The following SLC52A3 variants were observed in gnomAD, a reference collection of about 807,000 sequenced individuals.
SLC52A3 encodes solute carrier family 52 member 3, also known as solute carrier family 52, riboflavin transporter, member 3.
In SLC52A3, 20 loss-of-function variants were observed where a neutral mutation model predicts 29.5. The observed-to-expected ratio is 0.68, with a 90% CI of 0.48 to 0.99. The LOEUF is 0.99. SLC52A3 is among the 50% of genes least tolerant of loss of function. The pLI, the probability that SLC52A3 is intolerant of heterozygous loss-of-function variation, is 0.00. For synonymous variants in SLC52A3, 301 were observed against 271.0 expected, an observed-to-expected ratio of 1.11 and a Z score of -1.09; for missense variants, 548 against 612.9, an observed-to-expected ratio of 0.89 and a Z score of 1.12.
chr20:775,172 C>G (rs1986974693), intron 1 of SLC52A3, among the ~76,000 whole-genome samples: 1 of 152,206 alleles, frequency 6.6e-6, no homozygotes, highest in African/African-American at 2.4e-5. Context: ...CATCCCAACT[C>G]CCAGCCTCCT....
chr20:770,304 G>A (rs1473106589), upstream of SLC52A3, among the ~76,000 whole-genome samples: 1 of 151,980 alleles, frequency 6.6e-6, no homozygotes, highest in Non-Finnish European at 1.5e-5. This position sits in a 1 kb window ranked among gnomAD's most constrained non-coding sequence, Gnocchi z 4.5. Context: ...TTACAGGCGT[G>A]CACCACAATG....
chr20:761,551 A>G, intron 4 of SLC52A3, 150 bp downstream of exon 4: 1 of 1,215,776 alleles, frequency 8.2e-7, no homozygotes, highest in Non-Finnish European at 1.2e-6. Context: ...TCCACTCCCA[A>G]ATGAGGAAGG....
upstream of SLC52A3, among the ~76,000 whole-genome samples, chr20:780,013 A>G (rs148908589): frequency 4.5e-3 from 686 of 152,302 alleles, 10 homozygotes; most frequent in African/African-American, 0.015. Context: ...TTTGCTTACC[A>G]CAGATCAGAA....
chr20:776,761 G>T (rs1353629654), upstream of SLC52A3, among the ~76,000 whole-genome samples: 5 of 151,960 alleles, frequency 3.3e-5, no homozygotes, highest in Admixed American at 3.3e-4. Flanking sequence ...GAAGAGTTGG[G>T]GGTGGCCAGG....
At chr20:773,090 G>A (rs1472234897), upstream of SLC52A3, among the ~76,000 whole-genome samples, 3 of 152,212 alleles carry the variant, frequency 2.0e-5, no homozygotes, top group African/African-American at 7.2e-5. Flanking sequence ...AAAGCTCCGT[G>A]AGTGGGCAGA....
At chr20:766,831 CAA>C (rs1986702520) in intron 1 of SLC52A3, among the ~76,000 whole-genome samples, 1 of 151,994 alleles carries the variant, frequency 6.6e-6, no homozygotes, top group Admixed American at 6.5e-5. Context: ...AAATCAAGAA[CAA>C]AGAGACCCCA....
At chr20:778,647 C>G (rs1302406939), upstream of SLC52A3, among the ~76,000 whole-genome samples, 2 of 152,012 alleles carry the variant, frequency 1.3e-5, no homozygotes, top group South Asian at 4.1e-4. Flanking sequence ...AATTGCAGGA[C>G]TCTAAATTTA....
intron 4 of SLC52A3, 23 bp from the exon 5 acceptor site, chr20:761,261 G>C: frequency 6.5e-7 from 1 of 1,540,250 alleles, no homozygotes; most frequent in Admixed American, 2.0e-5. Context: ...GAGGGAAGAG[G>C]TGCAGAGTCA....
At chr20:770,155 G>GTTTTT (rs71191969), upstream of SLC52A3, among the ~76,000 whole-genome samples, 5 of 143,162 alleles carry the variant, frequency 3.5e-5, no homozygotes, top group Non-Finnish European at 4.6e-5. The surrounding 1 kb of genome is among the most constrained non-coding windows in gnomAD (Gnocchi z 4.5). Context: ...TCTGACTGCT[G>GTTTTT]TTTTTTTTTT....
chr20:776,862 G>A (rs550507458), upstream of SLC52A3, among the ~76,000 whole-genome samples: 4 of 151,780 alleles, frequency 2.6e-5, no homozygotes, highest in African/African-American at 9.7e-5. Flanking sequence ...CTTTTGGGGG[G>A]GGGGCCACAG....
intron 1 of SLC52A3, among the ~76,000 whole-genome samples, chr20:773,831 T>C (rs1330987837): frequency 6.6e-6 from 1 of 152,134 alleles, no homozygotes; most frequent in Non-Finnish European, 1.5e-5. Flanking sequence ...GTGAAGAGAA[T>C]TGGGAGTGGG....
At chr20:775,538 C>T (rs987370890) in intron 1 of SLC52A3, among the ~76,000 whole-genome samples, 4 of 152,128 alleles carry the variant, frequency 2.6e-5, no homozygotes, top group Admixed American at 2.0e-4. Flanking sequence ...CCTCAGTCTC[C>T]AGAAGTGCTG....
rs953240691 is a variant in SLC52A3, at chr20:760,639, C to T, written c.*387G>A. ...GGTAGTTGGTACTTACTGGAATCCCCACTGCATGCATGAAGAAACAGGCAC... is the reference window on the plus strand; with the variant it reads ...GGTAGTTGGTACTTACTGGAATCCCTACTGCATGCATGAAGAAACAGGCAC... On this transcript the variant is annotated 3_prime_UTR_variant, in exon 5 of 5. Coordinates refer to ENST00000645534, the MANE Select transcript of SLC52A3 (RefSeq NM_033409.4). This position sits in a 1 kb window ranked among gnomAD's most constrained non-coding sequence, Gnocchi z 4.9. The T allele has an allele frequency of 4.1e-6, 1 of 241,786 alleles. No individual in the cohort carries two copies. The highest frequency in any genetic ancestry group is 8.7e-5 in the East Asian group (1 of 11,484). The allele number at this position is 241,786 out of a possible 1,614,324, so 15.0% of individuals were successfully genotyped here.
At chr20:777,096 C>A (rs1247913336), upstream of SLC52A3, among the ~76,000 whole-genome samples, 1 of 152,008 alleles carries the variant, frequency 6.6e-6, no homozygotes, top group Admixed American at 6.6e-5. Flanking sequence ...ATTAGCCGGG[C>A]ATGATGGCGG....
upstream of SLC52A3, among the ~76,000 whole-genome samples, chr20:772,319 A>G (rs6140149): frequency 0.019 from 2,942 of 152,260 alleles, 519 homozygotes; most frequent in East Asian, 0.44. Flanking sequence ...CCTTGTCTGG[A>G]AACCAGGCAC....
chr20:766,268 G>A (rs1200113720), intron 1 of SLC52A3: 1 of 156,502 alleles, frequency 6.4e-6, no homozygotes, highest in East Asian at 1.9e-4. Flanking sequence ...AACAAGAGAA[G>A]CCTTTCCTAA....
upstream of SLC52A3, among the ~76,000 whole-genome samples, chr20:776,725 A>T (rs1987043267): frequency 6.6e-6 from 1 of 151,904 alleles, no homozygotes; most frequent in Non-Finnish European, 1.5e-5. Context: ...CTTGTAGGTG[A>T]GGGGTTTTTC....
upstream of SLC52A3, among the ~76,000 whole-genome samples, chr20:779,626 A>G (rs1173868800): frequency 6.6e-6 from 1 of 152,224 alleles, no homozygotes; most frequent in Non-Finnish European, 1.5e-5. Context: ...TCTAAAGAAA[A>G]CAAAAACAAG....
rs1986439777 is a variant in SLC52A3, at chr20:760,987, T to C, written c.*39A>G. The C allele has an allele frequency of 1.9e-6, 3 of 1,562,696 alleles. No homozygotes were observed. Among genetic ancestry groups the C allele is most frequent in the Non-Finnish European group, 2.6e-6 (3 of 1,153,968 alleles). On this transcript the variant is annotated 3_prime_UTR_variant, in exon 5 of 5. Coordinates refer to ENST00000645534, the MANE Select transcript of SLC52A3 (RefSeq NM_033409.4). This position sits in a 1 kb window ranked among gnomAD's most constrained non-coding sequence, Gnocchi z 4.9. ...GTGACCTGGCCTCTCTGGACCCCAG[T>C]TCCGTCCGTGAGCGATGGGGGCGGG...
Sources: allele counts gnomAD v4.1 joint callset (sites outside exome capture counted in the v4.1 genomes callset), GRCh38; gene constraint gnomAD v4.1.1; non-coding constraint Gnocchi (gnomAD v3.1); transcripts MANE v1.5; gene names NCBI Gene and HGNC (gene_info 2026-07-23, HGNC 2026-07-21).